Variants in CHD4 observed in about 807,000 individuals in gnomAD.
CHD4 encodes the protein ATP-dependent chromatin remodeler CHD4.
CHD4 carries 35 observed loss-of-function variants against 235.5 expected under a neutral mutation model. The observed-to-expected ratio is 0.15, with a 90% CI of 0.11 to 0.20. CHD4 has a LOEUF of 0.20. Among genes scored for constraint, CHD4 ranks in the 10% least tolerant of loss-of-function variants. The pLI, the probability that CHD4 is intolerant of heterozygous loss-of-function variation, is 1.00. For synonymous variants in CHD4, 900 were observed against 850.2 expected (o/e 1.06, Z -1.02); for missense variants, 1,329 against 2,432.3 (o/e 0.55, Z 9.54).
At chr12:6,605,195 A>G (rs1302368227) in intron 2 of CHD4, among the ~76,000 whole-genome samples, 1 of 152,210 alleles carries the variant, frequency 6.6e-6, no homozygotes, top group Non-Finnish European at 1.5e-5. Context: ...GGCAGAAGTG[A>G]ATGATGCTGG....
At chr12:6,573,752 G>A (rs1468197151) in intron 37 of CHD4, among the ~76,000 whole-genome samples, 6 of 151,998 alleles carry the variant, frequency 3.9e-5, no homozygotes, top group African/African-American at 1.5e-4. Context: ...GGCTGGGCAC[G>A]GTGGCTCACA....
intron 37 of CHD4, 121 bp from the exon 38 acceptor site, chr12:6,573,390 A>ATAGGT: frequency 1.3e-6 from 1 of 768,670 alleles, no homozygotes; most frequent in Non-Finnish European, 1.9e-6. Flanking sequence ...GAAGAACTTC[A>ATAGGT]TGGACAGCTC....
In CHD4 at chr12:6,578,888, T is replaced by G; in HGVS notation, c.4939A>C (p.Lys1647Gln). Reference sequence around the variant, plus strand: ...ATAGGGGTCAGATCTATTGCTGACTTTTCCTCCACCTTCTCTACATCAGCA... The same window carrying G: ...ATAGGGGTCAGATCTATTGCTGACTGTTCCTCCACCTTCTCTACATCAGCA... ...GAADVEKVEEKSAIDLTPIVV... is the reference protein window; with the variant it reads ...GAADVEKVEEQSAIDLTPIVV... The change falls in exon 34 of 40, where the codon AAG becomes CAG. Residue 1647 changes from lysine (K) to glutamine (Q), a missense_variant. By Grantham distance (53) the Lys-to-Gln change is moderately conservative. Around this residue, in one of 26 missense-constraint regions of CHD4, gnomAD observed 219 missense variants for 219.3 expected, o/e 1.00. Transcript: ENST00000544040. 1 of 1,614,206 alleles carries G rather than the reference T, an allele frequency of 6.2e-7. No homozygotes were observed. Among genetic ancestry groups the G allele is most frequent in the Non-Finnish European group, 8.5e-7 (1 of 1,180,026 alleles).
In CHD4 at chr12:6,597,970, C is replaced by CA; in HGVS notation, c.1815dup (p.Ala606CysfsTer52). The CA allele has an allele frequency of 6.2e-7, 1 of 1,614,216 alleles. No homozygotes were observed. Among genetic ancestry groups the CA allele is most frequent in the Non-Finnish European group, 8.5e-7 (1 of 1,180,052 alleles). On this transcript the variant is annotated frameshift_variant, in exon 12 of 40. Transcript: ENST00000544040. LOFTEE classifies it high-confidence loss of function. The stretch of plus-strand genomic sequence containing the variant: ...CGATAGAAGCGTTCCTCCATCTCTG[C>CA]AAATTTAGGGTCCTTGTTCTTTCGC...
intron 22 of CHD4, 108 bp downstream of exon 22, chr12:6,591,358 G>T: frequency 1.2e-6 from 1 of 836,640 alleles, no homozygotes; most frequent in South Asian, 1.7e-5. Context: ...CATCTCAAAT[G>T]ACAAAGTCCC....
At chr12:6,589,888 G>C (rs1246455611) in intron 22 of CHD4, among the ~76,000 whole-genome samples, 1 of 151,816 alleles carries the variant, frequency 6.6e-6, no homozygotes, top group Non-Finnish European at 1.5e-5. Flanking sequence ...CAAAATAACT[G>C]AACAGTGCTT....
intron 10 of CHD4, among the ~76,000 whole-genome samples, chr12:6,599,451 A>T (rs530395868): frequency 6.6e-5 from 10 of 152,122 alleles, no homozygotes; most frequent in East Asian, 1.9e-4. Flanking sequence ...AAAAAAAAAA[A>T]TTTTTTTAAC....
At position 6,599,934 on chromosome 12, in the gene CHD4, G is replaced by A. The variant is rs748505910; in HGVS notation, c.1321C>T (p.Leu441Phe). 4 of 1,613,914 alleles carry A rather than the reference G, an allele frequency of 2.5e-6. No individual in the cohort carries two copies. The highest frequency in any genetic ancestry group is 1.3e-5 in the African/African-American group (1 of 74,856). The change falls in exon 10 of 40, where the codon CTC becomes TTC. Residue 441 changes from leucine to phenylalanine, a missense_variant. Transcript: ENST00000544040. Reference sequence around the variant, plus strand: ...ATATGGTGGTCATCCTCCTCTTCGAGGTCTCCCCCAACCTCTTCCAGGATC... The same window carrying A: ...ATATGGTGGTCATCCTCCTCTTCGAAGTCTCCCCCAACCTCTTCCAGGATC... ...EEILEEVGGD[L>F]EEEDDHHMEF...
chr12:6,577,086 GCC>G (rs1948084212), intron 37 of CHD4, among the ~76,000 whole-genome samples: 1 of 152,130 alleles, frequency 6.6e-6, no homozygotes, highest in South Asian at 2.1e-4. Flanking sequence ...ACAGGCGTGA[GCC>G]ACCGCACCTG....
Position 6,596,062 on chromosome 12 carries a change from A to T in CHD4, c.1968T>A (p.Ser656Arg). The change falls in exon 13 of 40, where the codon AGT becomes AGA. Residue 656 changes from serine (S) to arginine (R), a missense_variant. This residue lies in a region of CHD4 where 121 missense variants were observed against 177.8 expected (regional missense o/e 0.68). Coordinates refer to ENST00000544040, the MANE Select transcript of CHD4 (RefSeq NM_001273.5). ...DLPYDQASWE[S>R]EDVEIQDYDL... is the part of the protein sequence containing the mutation. Reference sequence around the variant, plus strand: ...CGTAATCCTGGATCTCCACATCCTCACTCTCCCAAGAAGCCTGATCGTAAG... The same window carrying T: ...CGTAATCCTGGATCTCCACATCCTCTCTCTCCCAAGAAGCCTGATCGTAAG... 6.2e-7 allele frequency: 1 copy of T among 1,613,534 alleles called. No individual in the cohort carries two copies. The highest frequency in any genetic ancestry group is 8.5e-7 in the Non-Finnish European group (1 of 1,179,898).
chr12:6,582,411 C>A, intron 29 of CHD4, 130 bp from the exon 30 acceptor site: 2 of 1,315,354 alleles, frequency 1.5e-6, no homozygotes, highest in Non-Finnish European at 2.1e-6. Flanking sequence ...CACCACTGCA[C>A]GGGAAGGCTG....
intron 17 of CHD4, 86 bp from the exon 18 acceptor site, chr12:6,592,903 A>G (rs1248078633): frequency 6.5e-7 from 1 of 1,546,306 alleles, no homozygotes; most frequent in African/African-American, 1.4e-5. Context: ...TTCACTGCCC[A>G]ATAGTTAAGC....
chr12:6,581,037 C>T lies in CHD4; in HGVS notation c.4909+7G>A, dbSNP rs1425867899. 2 of 1,613,182 alleles carry T rather than the reference C, an allele frequency of 1.2e-6. No individual in the cohort carries two copies. Among genetic ancestry groups the T allele is most frequent in the Admixed American group, 1.7e-5 (1 of 59,612 alleles). ...CAAACAAACAAAAAAAATGTGGATA[C>T]CTTTACCTTTGGGCTCTGTCTCCAT... On this transcript the variant is annotated splice_region_variant and intron_variant, in intron 33 of 39. Transcript: ENST00000544040.
In CHD4 at chr12:6,581,369, C is replaced by T. The variant is rs138939193; in HGVS notation, c.4701G>A (p.Glu1567=). 2 of 1,614,054 alleles carry T rather than the reference C, an allele frequency of 1.2e-6. No individual in the cohort carries two copies. The highest frequency in any genetic ancestry group is 1.1e-5 in the South Asian group (1 of 91,086). Residue 1567 remains glutamate, a synonymous_variant, in exon 32 of 40, where the codon GAG becomes GAA. Transcript: ENST00000544040. ...VPPAEDGIKI[E]ENSLKEEESI... ...TCTCTTCTTCTTTGAGGCTATTTTC[C>T]TCTATTTTTATCCCATCTTCTGCAG...
intron 22 of CHD4, 65 bp from the exon 23 acceptor site, chr12:6,588,487 A>T: frequency 1.3e-6 from 2 of 1,580,012 alleles, no homozygotes; most frequent in Non-Finnish European, 8.6e-7. Context: ...AATGTAGTTT[A>T]AAAAATTAAG....
chr12:6,601,404 A>G lies in CHD4; in HGVS notation c.684T>C (p.Ala228=), dbSNP rs1162307484. 3.7e-6 allele frequency: 6 copies of G among 1,614,056 alleles called. No individual in the cohort carries two copies. The highest frequency in any genetic ancestry group is 1.7e-5 in the Admixed American group (1 of 60,000). The change falls in exon 6 of 40, where the codon GCT becomes GCC. Residue 228 remains alanine (A), a synonymous_variant. Coordinates refer to ENST00000544040, the MANE Select transcript of CHD4 (RefSeq NM_001273.5). ...FKGSSGASVA[A]AAAAAVAVVE... is the part of the protein sequence containing the mutation. ...CCACAGCTACCGCTGCTGCTGCCGC[A>G]GCTGCCACTGATGCCCCAGAACTGC...
intron 34 of CHD4, 39 bp from the exon 35 acceptor site, chr12:6,578,585 A>G: frequency 1.2e-6 from 2 of 1,606,276 alleles, no homozygotes; most frequent in East Asian, 2.2e-5. Context: ...GCTCCAGCCA[A>G]AGCCCAGCAC....
intron 37 of CHD4, among the ~76,000 whole-genome samples, chr12:6,576,225 C>G (rs1948068684): frequency 6.6e-6 from 1 of 152,086 alleles, no homozygotes; most frequent in Admixed American, 6.6e-5. Context: ...GGCGTGGTGG[C>G]ACACGCCTGT....
chr12:6,573,004 T>A (rs1010577130), intron 38 of CHD4, 70 bp downstream of exon 38: 1 of 1,444,672 alleles, frequency 6.9e-7, no homozygotes, highest in African/African-American at 1.5e-5. Context: ...TGAAAACAAA[T>A]ATATGTACAT....
Sources: allele counts gnomAD v4.1 joint callset (sites outside exome capture counted in the v4.1 genomes callset), GRCh38; gene constraint gnomAD v4.1.1; regional missense constraint gnomAD v4.1.1; transcripts MANE v1.5; gene names NCBI Gene and HGNC (gene_info 2026-07-23, HGNC 2026-07-21).